KIF26B: variants seen among roughly 807,000 people sequenced by gnomAD.
The protein encoded by KIF26B is kinesin-like protein KIF26B.
A neutral mutation model predicts 151.2 loss-of-function variants in KIF26B; 63 were observed. That is an observed-to-expected ratio of 0.42 (90% CI 0.34 to 0.51). The LOEUF is 0.51. Ranked by LOEUF, KIF26B falls within the 20% of genes least tolerant of loss-of-function variation. KIF26B has a pLI of 0.07. For synonymous variants in KIF26B, 1,357 were observed against 1,262.1 expected (o/e 1.08, Z -1.59); for missense variants, 2,813 against 2,913.6 (o/e 0.97, Z 0.79).
At chr1:245,624,635 G>A (rs748976739) in intron 9 of KIF26B, among the ~76,000 whole-genome samples, 16 of 152,166 alleles carry the variant, frequency 1.1e-4, no homozygotes, top group Non-Finnish European at 2.4e-4. Flanking sequence ...TATTCTGGAT[G>A]CAAATCCTTT....
chr1:245,595,459 A>G (rs534308522), intron 5 of KIF26B, among the ~76,000 whole-genome samples: 30 of 152,334 alleles, frequency 2.0e-4, no homozygotes, highest in African/African-American at 7.2e-4. Context: ...GTGATGGCTT[A>G]CATTTATTGA....
At chr1:245,305,726 C>T (rs1419380183) in intron 2 of KIF26B, among the ~76,000 whole-genome samples, 2 of 151,976 alleles carry the variant, frequency 1.3e-5, no homozygotes, top group African/African-American at 4.8e-5. Context: ...ATCACGAGGT[C>T]AGGAGATCGA....
rs1218971632 is a variant in KIF26B at position 245,703,208 on chromosome 1, C to CCTAA, written c.*602_*603insCTAA. 6.6e-6 allele frequency: 1 copy of CCTAA among 152,666 alleles called. No homozygotes were observed. Among genetic ancestry groups the CCTAA allele is most frequent in the African/African-American group, 2.4e-5 (1 of 41,448 alleles). The allele number at this position is 152,666 out of a possible 1,614,324, so 9.5% of individuals were successfully genotyped here. A position where few individuals can be genotyped will look rare whatever the true frequency, so the allele number is the denominator to read the frequency against. ...GTAAGTTGTGTTTGTAGAGCTATTT[C>CCTAA]TTAATCAGTATTGCTTATGAATAAA... On this transcript the variant is annotated 3_prime_UTR_variant, in exon 15 of 15. Coordinates refer to ENST00000407071, the MANE Select transcript of KIF26B (RefSeq NM_018012.4).
chr1:245,376,554 C>T (rs1427556064), intron 3 of KIF26B, among the ~76,000 whole-genome samples: 1 of 152,160 alleles, frequency 6.6e-6, no homozygotes, highest in African/African-American at 2.4e-5. Flanking sequence ...ATTTATCTGG[C>T]ACTGGCGTAA....
intron 2 of KIF26B, among the ~76,000 whole-genome samples, chr1:245,247,873 C>A (rs1314586988): frequency 2.0e-5 from 3 of 152,130 alleles, no homozygotes; most frequent in Non-Finnish European, 4.4e-5. Flanking sequence ...GCCATTTTTT[C>A]TTTTGCTCTC....
intron 4 of KIF26B, among the ~76,000 whole-genome samples, chr1:245,526,312 G>T (rs1274408811): frequency 6.6e-6 from 1 of 152,118 alleles, no homozygotes; most frequent in Non-Finnish European, 1.5e-5. Context: ...GTGAATTTCT[G>T]CCTCTCTGCC....
chr1:245,226,953 G>A (rs1220538525), intron 2 of KIF26B, among the ~76,000 whole-genome samples: 3 of 152,082 alleles, frequency 2.0e-5, no homozygotes, highest in African/African-American at 7.2e-5. Context: ...GCACCCTCAC[G>A]GACATCCAGT....
Position 245,470,232 on chromosome 1 carries a change from G to A in KIF26B, c.1166+50487G>A, listed in dbSNP as rs529884409. On this transcript the variant is annotated intron_variant, in intron 4 of 14. Coordinates refer to ENST00000407071, the MANE Select transcript of KIF26B (RefSeq NM_018012.4). ...CCCTGAAGGATTTTAAGTGCCAGGG[G>A]CCTGGTAGTGCTCGTGTGTTAGGCA... Among the ~76,000 whole-genome samples, 18 of 152,146 alleles carry A rather than the reference G, an allele frequency of 1.2e-4. No individual in the cohort carries two copies. The East Asian group carries it at 1.7e-3, about 15-fold the overall frequency.
chr1:245,463,718 C>T (rs1773794), intron 4 of KIF26B, among the ~76,000 whole-genome samples: 1 of 152,184 alleles, frequency 6.6e-6, no homozygotes, highest in Admixed American at 6.5e-5. Context: ...CAAAGCCCGT[C>T]TGGATTGTGA....
intron 2 of KIF26B, among the ~76,000 whole-genome samples, chr1:245,322,937 G>A (rs1187076339): frequency 2.6e-5 from 4 of 152,182 alleles, no homozygotes; most frequent in Admixed American, 2.6e-4. Context: ...GCTCATGGAT[G>A]AACGTTTCTC....
At chr1:245,380,955 G>GGAAA (rs1431076495) in intron 3 of KIF26B, among the ~76,000 whole-genome samples, 1 of 77,928 alleles carries the variant, frequency 1.3e-5, no homozygotes, top group Non-Finnish European at 2.9e-5. Context: ...CCAAAAAGAT[G>GGAAA]AAAAAAAAAA....
At chr1:245,343,880 G>GT (rs1236705013) in intron 2 of KIF26B, among the ~76,000 whole-genome samples, 1 of 152,184 alleles carries the variant, frequency 6.6e-6, no homozygotes, top group Admixed American at 6.5e-5. Flanking sequence ...ACTGATGAAG[G>GT]TAACAGTGTT....
chr1:245,233,906 G>A (rs180978227), intron 2 of KIF26B, among the ~76,000 whole-genome samples: 1 of 152,156 alleles, frequency 6.6e-6, no homozygotes, highest in Non-Finnish European at 1.5e-5. Context: ...TTCGGGCTGG[G>A]CGCGGTGGCT....
Position 245,611,850 on chromosome 1 carries a change from G to T in KIF26B, c.1972G>T (p.Asp658Tyr). Residue 658 changes from aspartate (D) to tyrosine (Y), a missense_variant, in exon 9 of 15, where the codon GAT becomes TAT. Transcript: ENST00000407071. ...PTAEKAAFFL[D>Y]AAIASRRSHQ... ...CGCAGAGAAGGCTGCCTTTTTCCTG[G>T]ATGCCGCCATTGCCTCCCGCAGGAG... 6.2e-7 allele frequency: 1 copy of T among 1,613,842 alleles called. No individual in the cohort carries two copies. Among genetic ancestry groups the T allele is most frequent in the Non-Finnish European group, 8.5e-7 (1 of 1,179,882 alleles).
rs190224073 is a variant in KIF26B at position 245,253,966 on chromosome 1, C to T, written c.465+97283C>T. On this transcript the variant is annotated intron_variant, in intron 2 of 14. Transcript: ENST00000407071. ...CTGGGACTACAGGCGCCCGCCACCA[C>T]GCCCGGCTGATTTTTTTGTATTTTT... Among the ~76,000 whole-genome samples the T allele has an allele frequency of 7.8e-3, 1,188 of 151,838 alleles. 11 individuals are homozygous for T. The highest frequency in any genetic ancestry group is 0.02 in the African/African-American group (844 of 41,456).
At chr1:245,164,536 T>A (rs1558330256) in intron 2 of KIF26B, among the ~76,000 whole-genome samples, 1 of 152,104 alleles carries the variant, frequency 6.6e-6, no homozygotes, top group African/African-American at 2.4e-5. Context: ...AGCGTAAGCG[T>A]TCCAGCCACA....
intron 2 of KIF26B, among the ~76,000 whole-genome samples, chr1:245,158,711 T>C (rs757127568): frequency 1.3e-5 from 2 of 152,134 alleles, no homozygotes; most frequent in Non-Finnish European, 2.9e-5. Context: ...AAGCGTGACA[T>C]TTGGTGCAAG....
intron 9 of KIF26B, among the ~76,000 whole-genome samples, chr1:245,633,816 T>C (rs2043806502): frequency 6.6e-6 from 1 of 152,220 alleles, no homozygotes; most frequent in Non-Finnish European, 1.5e-5. Flanking sequence ...GTAAATGGTA[T>C]TTTTAATTTT....
At chr1:245,671,932 C>T (rs776999433) in intron 10 of KIF26B, among the ~76,000 whole-genome samples, 20 of 152,170 alleles carry the variant, frequency 1.3e-4, no homozygotes, top group East Asian at 1.9e-4. Context: ...GCCTGCAGAG[C>T]GGGCAGGGAT....
Sources: gnomAD v4.1 joint callset for allele counts (sites outside exome capture counted in the v4.1 genomes callset) on GRCh38, gnomAD v4.1.1 for gene constraint, MANE v1.5 for transcripts, NCBI Gene and HGNC (gene_info 2026-07-23, HGNC 2026-07-21) for gene names.